Variants in CADM1 observed in about 807,000 individuals in gnomAD.
The protein encoded by CADM1 is TSLC-1.
CADM1 carries 15 observed loss-of-function variants against 53.1 expected under a neutral mutation model. The ratio of observed to expected loss-of-function variants is 0.28; its 90% CI spans 0.19 to 0.44. The LOEUF is 0.44. Ranked by LOEUF, CADM1 falls within the 20% of genes least tolerant of loss-of-function variation. The pLI, the probability that CADM1 is intolerant of heterozygous loss-of-function variation, is 1.00. For synonymous variants in CADM1, 281 were observed against 243.0 expected (o/e 1.16, Z -1.45); for missense variants, 434 against 611.3 (o/e 0.71, Z 3.06).
chr11:115,267,930 G>A (rs951759090), intron 1 of CADM1, among the ~76,000 whole-genome samples: 5 of 152,090 alleles, frequency 3.3e-5, no homozygotes, highest in African/African-American at 1.2e-4. Context: ...ATGAAAGTGA[G>A]TAAATAGGGT....
intron 6 of CADM1, among the ~76,000 whole-genome samples, chr11:115,216,036 G>A (rs1416461666): frequency 2.0e-5 from 3 of 152,188 alleles, no homozygotes; most frequent in African/African-American, 7.2e-5. Context: ...TGTCCTCCTT[G>A]TAGGCAATGG....
chr11:115,262,475 T>G (rs1943005236), intron 1 of CADM1, among the ~76,000 whole-genome samples: 1 of 152,216 alleles, frequency 6.6e-6, no homozygotes, highest in African/African-American at 2.4e-5. Context: ...ACGACTAGGT[T>G]AAGTGCCTCT....
In CADM1 at chr11:115,233,680, T is replaced by C. The variant is rs565648260; in HGVS notation, c.425-2190A>G. On this transcript the variant is annotated intron_variant, in intron 3 of 11. Transcript: ENST00000331581. Reference sequence around the variant, plus strand: ...GAAAACAACTAAGGTGTAACAAATATAGGAGTGTCTTCTCAACTAAGGAAG... The same window carrying C: ...GAAAACAACTAAGGTGTAACAAATACAGGAGTGTCTTCTCAACTAAGGAAG... Among the ~76,000 whole-genome samples the C allele has an allele frequency of 2.0e-5, 3 of 151,156 alleles. No individual in the cohort carries two copies. The South Asian group carries it at 6.2e-4, about 31-fold the overall frequency.
At position 115,267,321 on chromosome 11, in the gene CADM1, T is replaced by C. The variant is rs150148269; in HGVS notation, c.125-26901A>G. 2.8e-3 allele frequency among the ~76,000 whole-genome samples: 421 copies of C among 152,362 alleles called. 2 individuals carry two copies. The highest frequency in any genetic ancestry group is 8.9e-3 in the African/African-American group (372 of 41,578). The stretch of plus-strand genomic sequence containing the variant: ...ATTTGTTTGGCTGGCTAGCACACCA[T>C]GCACTCTTTTGGATGCTAATGTATT... On this transcript the variant is annotated intron_variant, in intron 1 of 11. Transcript: ENST00000331581.
chr11:115,252,032 C>T (rs1942621687), intron 1 of CADM1, among the ~76,000 whole-genome samples: 1 of 152,116 alleles, frequency 6.6e-6, no homozygotes, highest in Non-Finnish European at 1.5e-5. Context: ...TTAATCATCA[C>T]TGAAATTAGA....
Position 115,174,169 on chromosome 11 carries a change from A to G in CADM1, c.*2305T>C, listed in dbSNP as rs991697721. ...GAGACATGTCAACATTGTAAGCCAT[A>G]AAGTTACATCAGGAACACTGCACTA... On this transcript the variant is annotated 3_prime_UTR_variant, in exon 12 of 12. Transcript: ENST00000331581. 15 of 985,352 alleles carry G rather than the reference A, an allele frequency of 1.5e-5. No homozygotes were observed. The highest frequency in any genetic ancestry group is 4.7e-5 in the South Asian group (1 of 21,294). 61.0% of individuals were successfully genotyped at this position (985,352 alleles called of 1,614,324 possible).
Position 115,238,504 on chromosome 11 carries a change from G to T in CADM1, c.420C>A (p.Val140=). The change falls in exon 3 of 12, where the codon GTC becomes GTA. Residue 140 remains valine, a synonymous_variant. Transcript: ENST00000331581. ...PPQESYTTIT[V]LVPPRNLMID... Reference sequence around the variant, plus strand: ...AGCCCCACATGCGTTTCTTACCCAGGACTGTGATGGTGGTGTAACTTTCCT... The same window carrying T: ...AGCCCCACATGCGTTTCTTACCCAGTACTGTGATGGTGGTGTAACTTTCCT... The T allele has an allele frequency of 6.2e-7, 1 of 1,613,818 alleles. No individual in the cohort carries two copies. Among genetic ancestry groups the T allele is most frequent in the Non-Finnish European group, 8.5e-7 (1 of 1,179,768 alleles).
In CADM1 at chr11:115,174,636, C is replaced by A. The variant is rs1410599740; in HGVS notation, c.*1838G>T. ...GTTTTCAAATAACAAAGAGTTGACA[C>A]TTTTTCCCCCTTAAATAAATCAGCA... On this transcript the variant is annotated 3_prime_UTR_variant, in exon 12 of 12. Coordinates refer to ENST00000331581, the MANE Select transcript of CADM1 (RefSeq NM_001301043.2). 7 of 984,474 alleles carry A rather than the reference C, an allele frequency of 7.1e-6. No individual in the cohort carries two copies. Among genetic ancestry groups the A allele is most frequent in the Non-Finnish European group, 8.4e-6 (7 of 828,952 alleles). The allele number at this position is 984,474 out of a possible 1,614,324, so 61.0% of individuals were successfully genotyped here.
chr11:115,430,486 A>G (rs1948017552), intron 1 of CADM1, among the ~76,000 whole-genome samples: 1 of 152,228 alleles, frequency 6.6e-6, no homozygotes, highest in Admixed American at 6.5e-5. Flanking sequence ...GCCAACATCA[A>G]AGCAAAAGAG....
rs12289148 is a variant in CADM1 at position 115,261,951 on chromosome 11, T to C, written c.125-21531A>G. 4.8e-3 allele frequency among the ~76,000 whole-genome samples: 736 copies of C among 152,214 alleles called. 8 individuals are homozygous for C. Among genetic ancestry groups the C allele is most frequent in the African/African-American group, 0.017 (709 of 41,534 alleles). On this transcript the variant is annotated intron_variant, in intron 1 of 11. Transcript: ENST00000331581. Reference sequence around the variant, plus strand: ...CGTGCCACCACACCTGACTAATTTTTTGTATTTTTAGTAGAGACGGGGTTT... The same window carrying C: ...CGTGCCACCACACCTGACTAATTTTCTGTATTTTTAGTAGAGACGGGGTTT...
rs1258433486 is a variant in CADM1, at chr11:115,231,355, T to C, written c.560A>G (p.Lys187Arg). ...IRWFKGNTEL[K>R]GKSEVEEWSD... ...GTGTGTGGCAATCTGCAGCTTACCT[T>C]TTAGCTCTGTGTTCCCTTTGAACCA... is the stretch of plus-strand genomic sequence containing the variant. The change falls in exon 4 of 12, where the codon AAA (lysine) becomes AGA (arginine). Residue 187 changes from lysine to arginine, a missense_variant and splice_region_variant. Around this residue, in one of 4 missense-constraint regions of CADM1, gnomAD observed 311 missense variants for 435.1 expected, o/e 0.71. Transcript: ENST00000331581. 6.2e-7 allele frequency: 1 copy of C among 1,614,156 alleles called. No individual in the cohort carries two copies. Among genetic ancestry groups the C allele is most frequent in the Non-Finnish European group, 8.5e-7 (1 of 1,179,988 alleles).
At chr11:115,243,026 T>G (rs1248738231) in intron 1 of CADM1, among the ~76,000 whole-genome samples, 1 of 152,250 alleles carries the variant, frequency 6.6e-6, no homozygotes, top group African/African-American at 2.4e-5. Context: ...GTCCATGATT[T>G]TGTCTTTTAA....
intron 1 of CADM1, among the ~76,000 whole-genome samples, chr11:115,476,053 T>C (rs1949123573): frequency 6.6e-6 from 1 of 152,228 alleles, no homozygotes; most frequent in African/African-American, 2.4e-5. Context: ...AACTTGCTCA[T>C]AGTAAGCACT....
Position 115,317,983 on chromosome 11 carries a change from TACACACAC to T in CADM1, c.125-77571_125-77564del, listed in dbSNP as rs35753948. 1.2e-3 allele frequency among the ~76,000 whole-genome samples: 178 copies of T among 149,166 alleles called. 4 individuals are homozygous for T. The South Asian group carries it at 0.02, about 16-fold the overall frequency. Reference sequence around the variant, plus strand: ...TTACATTATACATCCTATTACACACTACACACACACACACACACACACACACACACACA... The same window carrying T: ...TTACATTATACATCCTATTACACACTACACACACACACACACACACACACA... On this transcript the variant is annotated intron_variant, in intron 1 of 11. Transcript: ENST00000331581.
At position 115,264,730 on chromosome 11, in the gene CADM1, G is replaced by C. The variant is rs1036643984; in HGVS notation, c.125-24310C>G. ...TCATCTATAAAAATGGAAATATTAA[G>C]AACCATTGTAACTGATGCGAGGATG... On this transcript the variant is annotated intron_variant, in intron 1 of 11. Coordinates refer to ENST00000331581, the MANE Select transcript of CADM1 (RefSeq NM_001301043.2). Among the ~76,000 whole-genome samples the C allele has an allele frequency of 5.3e-5, 8 of 152,292 alleles. No homozygotes were observed. The East Asian group carries it at 1.3e-3, about 26-fold the overall frequency.
At chr11:115,257,711 T>C (rs1252217211) in intron 1 of CADM1, among the ~76,000 whole-genome samples, 1 of 152,174 alleles carries the variant, frequency 6.6e-6, no homozygotes, top group East Asian at 1.9e-4. Context: ...CCAAGTAATA[T>C]TAATAGTAAT....
At chr11:115,188,132 G>T (rs538216989) in intron 10 of CADM1, among the ~76,000 whole-genome samples, 112 of 152,280 alleles carry the variant, frequency 7.4e-4, no homozygotes, top group African/African-American at 2.6e-3. Context: ...AGGGAGAGAG[G>T]CAGTTGGAGA....
chr11:115,347,902 C>T (rs954698576), intron 1 of CADM1, among the ~76,000 whole-genome samples: 1 of 152,132 alleles, frequency 6.6e-6, no homozygotes, highest in African/African-American at 2.4e-5. Context: ...TACACAATTA[C>T]AATCTGTTTG....
intron 1 of CADM1, among the ~76,000 whole-genome samples, chr11:115,324,823 G>A (rs1944918947): frequency 6.6e-6 from 1 of 152,172 alleles, no homozygotes; most frequent in Non-Finnish European, 1.5e-5. Flanking sequence ...AAAGGCTGGT[G>A]TGTGTCTAGA....
Sources: allele counts gnomAD v4.1 joint callset (sites outside exome capture counted in the v4.1 genomes callset), GRCh38; gene constraint gnomAD v4.1.1; regional missense constraint gnomAD v4.1.1; transcripts MANE v1.5; gene names NCBI Gene and HGNC (gene_info 2026-07-23, HGNC 2026-07-21).